The following SEMA5A variants were observed in gnomAD, a reference collection of about 807,000 sequenced individuals.
SEMA5A encodes the protein semaphorin-5A.
SEMA5A carries 55 observed loss-of-function variants against 135.5 expected under a neutral mutation model. The observed-to-expected ratio is 0.41, with a 90% CI of 0.33 to 0.51. The LOEUF (loss-of-function observed/expected upper bound fraction) is 0.51, where lower values mean the gene tolerates loss of function less well. Ranked by LOEUF, SEMA5A falls within the 20% of genes least tolerant of loss-of-function variation. The probability of loss-of-function intolerance (pLI) is 0.37; values close to 1 mark genes in which losing one functional copy is unlikely to be tolerated. For synonymous variants in SEMA5A, 580 were observed against 546.5 expected (o/e 1.06, Z -0.85); for missense variants, 1,290 against 1,419.9 (o/e 0.91, Z 1.47).
chr5:9,515,991 A>T, intron 1 of SEMA5A, among the ~76,000 whole-genome samples: 1 of 152,228 alleles, frequency 6.6e-6, no homozygotes, highest in South Asian at 2.1e-4. Context: ...TATAGTTACG[A>T]CATTTGTGAA....
intron 5 of SEMA5A, among the ~76,000 whole-genome samples, chr5:9,277,168 C>A (rs1444308352): frequency 6.6e-6 from 1 of 152,278 alleles, no homozygotes; most frequent in African/African-American, 2.4e-5. Flanking sequence ...TGAACAGACA[C>A]TTCTCAAAAG....
chr5:9,367,592 T>C (rs1186642946), intron 3 of SEMA5A, among the ~76,000 whole-genome samples: 2 of 152,250 alleles, frequency 1.3e-5, no homozygotes, highest in Non-Finnish European at 2.9e-5. Context: ...GAAATTTTCC[T>C]CCAGACTGCC....
intron 16 of SEMA5A, among the ~76,000 whole-genome samples, chr5:9,096,395 T>C (rs980485347): frequency 5.6e-4 from 86 of 152,342 alleles, no homozygotes; most frequent in Admixed American, 2.8e-3. Flanking sequence ...TCTCTCTCCA[T>C]ATATGAGACC....
intron 5 of SEMA5A, among the ~76,000 whole-genome samples, chr5:9,287,463 C>T (rs1378196993): frequency 6.6e-6 from 1 of 151,778 alleles, no homozygotes; most frequent in Non-Finnish European, 1.5e-5. Flanking sequence ...AAAACTTTTC[C>T]CTAAATATGA....
intron 15 of SEMA5A, among the ~76,000 whole-genome samples, chr5:9,109,982 T>A (rs1243060767): frequency 1.3e-5 from 2 of 152,038 alleles, no homozygotes; most frequent in African/African-American, 4.8e-5. Flanking sequence ...GGGGAATGTG[T>A]GGGCTTCAGG....
chr5:9,368,411 T>G (rs1031205737), intron 3 of SEMA5A, among the ~76,000 whole-genome samples: 7 of 152,346 alleles, frequency 4.6e-5, no homozygotes, highest in Admixed American at 4.6e-4. Flanking sequence ...TTCATAGAGG[T>G]ATTATTTAGG....
chr5:9,122,602 G>A (rs377091183), intron 14 of SEMA5A, 54 bp downstream of exon 14: 2 of 1,415,052 alleles, frequency 1.4e-6, no homozygotes, highest in South Asian at 1.8e-5. Context: ...CAAACTCCTC[G>A]AGAATCTGAG....
intron 3 of SEMA5A, among the ~76,000 whole-genome samples, chr5:9,364,302 A>G (rs1754824350): frequency 6.6e-6 from 1 of 152,232 alleles, no homozygotes; most frequent in Non-Finnish European, 1.5e-5. Context: ...TATATCTTAT[A>G]AATGGTGTGA....
intron 2 of SEMA5A, among the ~76,000 whole-genome samples, chr5:9,383,994 T>A (rs1242196803): frequency 6.6e-6 from 1 of 152,212 alleles, no homozygotes; most frequent in African/African-American, 2.4e-5. Flanking sequence ...TGAAATGACA[T>A]GTTTGTCATG....
chr5:9,427,395 G>A (rs1019576303), intron 2 of SEMA5A, among the ~76,000 whole-genome samples: 4 of 152,182 alleles, frequency 2.6e-5, no homozygotes, highest in Middle Eastern at 3.2e-3. Context: ...AAGTTGAGTC[G>A]AGAAGAAAGG....
chr5:9,377,633 T>C (rs1376871736), intron 3 of SEMA5A, among the ~76,000 whole-genome samples: 1 of 152,084 alleles, frequency 6.6e-6, no homozygotes, highest in African/African-American at 2.4e-5. Flanking sequence ...AAAATGACTG[T>C]GTACTAAAGA....
chr5:9,476,505 A>C (rs1332752509), intron 1 of SEMA5A, among the ~76,000 whole-genome samples: 1 of 152,112 alleles, frequency 6.6e-6, no homozygotes, highest in Non-Finnish European at 1.5e-5. Flanking sequence ...TGATGCCTCC[A>C]TGCCAGGTAC....
At chr5:9,143,731 C>T (rs963291946) in intron 12 of SEMA5A, among the ~76,000 whole-genome samples, 1 of 152,168 alleles carries the variant, frequency 6.6e-6, no homozygotes, top group Non-Finnish European at 1.5e-5. Flanking sequence ...ACTTGGTTTG[C>T]CAGCTTTGGT....
chr5:9,213,971 A>C (rs929761817), intron 8 of SEMA5A, among the ~76,000 whole-genome samples: 1 of 151,682 alleles, frequency 6.6e-6, no homozygotes, highest in African/African-American at 2.4e-5. Context: ...GAGCTCCAGT[A>C]GTATGGGGGA....
chr5:9,108,319 CTAAT>C, intron 15 of SEMA5A, 32 bp from the exon 16 acceptor site: 1 of 1,609,500 alleles, frequency 6.2e-7, no homozygotes, highest in Non-Finnish European at 8.5e-7. Context: ...GACAAGGAAA[CTAAT>C]TAGTGCCACT....
At position 9,066,401 on chromosome 5, in the gene SEMA5A, C is replaced by A; in HGVS notation, c.2299+20G>T. The A allele has an allele frequency of 6.2e-7, 1 of 1,608,932 alleles. No homozygotes were observed. The highest frequency in any genetic ancestry group is 1.1e-5 in the South Asian group (1 of 90,958). On this transcript the variant is annotated intron_variant, in intron 17 of 22. Transcript: ENST00000382496. The stretch of plus-strand genomic sequence containing the variant: ...GCCCTTCCATGGAAGTGGGTCAGTC[C>A]CCACGGAATCACTACTCACCATCTG...
At chr5:9,224,996 G>T in intron 7 of SEMA5A, 109 bp from the exon 8 acceptor site, 1 of 993,578 alleles carries the variant, frequency 1.0e-6, no homozygotes. Flanking sequence ...ACAGCCTCTC[G>T]GGGGCCCATG....
chr5:9,207,102 GTATATATATATATATATA>G (rs70943947), intron 8 of SEMA5A, among the ~76,000 whole-genome samples: 5 of 97,680 alleles, frequency 5.1e-5, no homozygotes, highest in East Asian at 4.2e-4. Context: ...ATGATCAAGT[GTATATATATATATATATA>G]TATATATATA....
rs796682465 is a variant in SEMA5A at position 9,286,421 on chromosome 5, G to T, written c.270+31951C>A. ...TTCCCCCAGACTCTGACACCCCTCCGTACTCTTTTTTCTATCTCCCGGACC... is the reference window on the plus strand; with the variant it reads ...TTCCCCCAGACTCTGACACCCCTCCTTACTCTTTTTTCTATCTCCCGGACC... On this transcript the variant is annotated intron_variant, in intron 5 of 22. Transcript: ENST00000382496. 6.8e-4 allele frequency among the ~76,000 whole-genome samples: 103 copies of T among 151,710 alleles called. 1 individual carries two copies. The highest frequency in any genetic ancestry group is 2.5e-3 in the African/African-American group (102 of 41,324).
Sources: allele counts gnomAD v4.1 joint callset (sites outside exome capture counted in the v4.1 genomes callset), GRCh38; gene constraint gnomAD v4.1.1; transcripts MANE v1.5; gene names NCBI Gene and HGNC (gene_info 2026-07-23, HGNC 2026-07-21).